Variants in ST6GAL1 observed in about 807,000 individuals in gnomAD.
ST6GAL1 encodes the protein ST6 beta-galactoside alpha-2,6-sialyltransferase 1.
ST6GAL1 carries 20 observed loss-of-function variants against 38.0 expected under a neutral mutation model. The ratio of observed to expected loss-of-function variants is 0.53; its 90% CI spans 0.37 to 0.77. The LOEUF (loss-of-function observed/expected upper bound fraction) is 0.77. ST6GAL1 is among the 30% of genes least tolerant of loss of function. The pLI, the probability that ST6GAL1 is intolerant of heterozygous loss-of-function variation, is 0.00. For synonymous variants in ST6GAL1, 196 were observed against 188.2 expected (o/e 1.04, Z -0.34); for missense variants, 432 against 496.4 (o/e 0.87, Z 1.23).
At chr3:187,064,385 T>C (rs1719022580) in intron 5 of ST6GAL1, 2 of 393,736 alleles carry the variant, frequency 5.1e-6, no homozygotes, top group Non-Finnish European at 5.1e-6. Context: ...AGTAGGCACA[T>C]GTATTAGTTG....
At chr3:187,052,872 T>C (rs1214218497) in intron 5 of ST6GAL1, among the ~76,000 whole-genome samples, 1 of 152,206 alleles carries the variant, frequency 6.6e-6, no homozygotes, top group Non-Finnish European at 1.5e-5. Context: ...GGAATTGCCA[T>C]ACTGTCTTCC....
intron 2 of ST6GAL1, among the ~76,000 whole-genome samples, chr3:186,967,214 C>T (rs1019378885): frequency 1.1e-4 from 16 of 152,134 alleles, no homozygotes; most frequent in African/African-American, 1.7e-4. Context: ...GTTTTTTAGA[C>T]GGTGTCTTGC....
intron 2 of ST6GAL1, among the ~76,000 whole-genome samples, chr3:186,966,505 C>G (rs3864107): frequency 0.084 from 12,819 of 152,252 alleles, 692 homozygotes; most frequent in East Asian, 0.16. Context: ...ATGGCAAGCA[C>G]TTGCCCACGT....
At chr3:187,021,020 A>G (rs1170294701) in intron 2 of ST6GAL1, among the ~76,000 whole-genome samples, 2 of 151,002 alleles carry the variant, frequency 1.3e-5, no homozygotes, top group Admixed American at 6.6e-5. Flanking sequence ...GCTGGAGTGC[A>G]ATGGCGTGAT....
chr3:187,016,370 A>C (rs74825575), intron 2 of ST6GAL1, among the ~76,000 whole-genome samples: 12,746 of 152,180 alleles, frequency 0.084, 734 homozygotes, highest in Non-Finnish European at 0.13. Flanking sequence ...CACACGCAGC[A>C]CCTGGAGAAG....
At chr3:187,063,105 T>C (rs979183463) in intron 5 of ST6GAL1, among the ~76,000 whole-genome samples, 2 of 152,234 alleles carry the variant, frequency 1.3e-5, no homozygotes, top group Admixed American at 6.5e-5. Context: ...TTTTATGTTA[T>C]GTATATTTTA....
chr3:186,974,733 G>GT (rs35410131), intron 2 of ST6GAL1, among the ~76,000 whole-genome samples: 139 of 151,146 alleles, frequency 9.2e-4, no homozygotes, highest in Non-Finnish European at 1.4e-3. Flanking sequence ...GGTTGGGGGG[G>GT]GGGCGCCCAC....
intron 2 of ST6GAL1, among the ~76,000 whole-genome samples, chr3:187,018,084 C>G (rs370384665): frequency 6.6e-6 from 1 of 152,248 alleles, no homozygotes; most frequent in South Asian, 2.1e-4. Flanking sequence ...AGGCAGGTTT[C>G]CAACATAACT....
At chr3:186,932,333 A>G (rs1256294867) in intron 1 of ST6GAL1, among the ~76,000 whole-genome samples, 3 of 152,188 alleles carry the variant, frequency 2.0e-5, no homozygotes, top group African/African-American at 7.2e-5. Flanking sequence ...CTCCCACTGC[A>G]TCGCTCAGCG....
intron 2 of ST6GAL1, among the ~76,000 whole-genome samples, chr3:186,987,591 G>GAATT (rs1245406139): frequency 8.8e-4 from 134 of 152,340 alleles, no homozygotes; most frequent in African/African-American, 3.0e-3. Flanking sequence ...TTGGTTGAAC[G>GAATT]AATTACCTGA....
At chr3:187,034,129 C>G (rs1717848113) in intron 2 of ST6GAL1, among the ~76,000 whole-genome samples, 1 of 148,636 alleles carries the variant, frequency 6.7e-6, no homozygotes, top group African/African-American at 2.5e-5. Context: ...CTATTAATAC[C>G]TCTGTTCACA....
intron 2 of ST6GAL1, among the ~76,000 whole-genome samples, chr3:186,974,333 C>G (rs188724004): frequency 3.9e-5 from 6 of 152,290 alleles, no homozygotes; most frequent in South Asian, 4.1e-4. Flanking sequence ...GGATCCCACA[C>G]CTTACAGACC....
intron 5 of ST6GAL1, among the ~76,000 whole-genome samples, chr3:187,066,343 A>G (rs544374040): frequency 4.1e-4 from 62 of 152,220 alleles, no homozygotes; most frequent in African/African-American, 1.5e-3. Context: ...TGGTGGAAAG[A>G]GAGAGCTCTG....
chr3:186,995,061 T>C (rs1716317332), intron 2 of ST6GAL1, among the ~76,000 whole-genome samples: 1 of 152,200 alleles, frequency 6.6e-6, no homozygotes, highest in Non-Finnish European at 1.5e-5. Context: ...TATTCAATTT[T>C]CCTCAATTAT....
At chr3:187,069,328 T>C (rs1376677975) in intron 5 of ST6GAL1, among the ~76,000 whole-genome samples, 2 of 152,124 alleles carry the variant, frequency 1.3e-5, no homozygotes, top group Non-Finnish European at 2.9e-5. Flanking sequence ...AGAGACAGGG[T>C]TTCGCCATGT....
chr3:186,982,377 T>C (rs1715722671), intron 2 of ST6GAL1, among the ~76,000 whole-genome samples: 1 of 152,212 alleles, frequency 6.6e-6, no homozygotes, highest in South Asian at 2.1e-4. Flanking sequence ...GATAGATTGT[T>C]GGTTGCTCGT....
chr3:187,020,667 C>A (rs1313890118), intron 2 of ST6GAL1, among the ~76,000 whole-genome samples: 1 of 152,186 alleles, frequency 6.6e-6, no homozygotes, highest in African/African-American at 2.4e-5. Context: ...TGCATGGTAG[C>A]CTCCTTCATC....
At position 187,071,477 on chromosome 3, in the gene ST6GAL1, C is replaced by T. The variant is rs116938038; in HGVS notation, c.706-1372C>T. 1.7e-3 allele frequency among the ~76,000 whole-genome samples: 254 copies of T among 151,010 alleles called. 4 individuals carry two copies. The East Asian group carries it at 0.047, about 28-fold the overall frequency. ...TCAGAAAATGAGGGCCGGCCGGGCGCGGTGGCTCATGCCTGTAATCCCAGC... is the reference window on the plus strand; with the variant it reads ...TCAGAAAATGAGGGCCGGCCGGGCGTGGTGGCTCATGCCTGTAATCCCAGC... On this transcript the variant is annotated intron_variant, in intron 5 of 7. Transcript: ENST00000169298.
At position 187,042,739 on chromosome 3, in the gene ST6GAL1, C is replaced by T. The variant is rs777723033; in HGVS notation, c.36C>T (p.Cys12=). ...IHTNLKKKFS[C]CVLVFLLFAV... is the part of the protein sequence containing the mutation. Reference sequence around the variant, plus strand: ...CCAACCTGAAGAAAAAGTTCAGCTGCTGCGTCCTGGTCTTTCTTCTGTTTG... The same window carrying T: ...CCAACCTGAAGAAAAAGTTCAGCTGTTGCGTCCTGGTCTTTCTTCTGTTTG... The change falls in exon 4 of 8, where the codon TGC becomes TGT. Residue 12 remains cysteine, a synonymous_variant. Coordinates refer to ENST00000169298, the MANE Select transcript of ST6GAL1 (RefSeq NM_173216.2). The T allele has an allele frequency of 1.9e-6, 3 of 1,613,466 alleles. No individual in the cohort carries two copies. Among genetic ancestry groups the T allele is most frequent in the East Asian group, 4.5e-5 (2 of 44,890 alleles).
Sources: allele counts gnomAD v4.1 joint callset (sites outside exome capture counted in the v4.1 genomes callset), GRCh38; gene constraint gnomAD v4.1.1; transcripts MANE v1.5; gene names NCBI Gene and HGNC (gene_info 2026-07-23, HGNC 2026-07-21).